The following NEDD4 variants were observed in gnomAD, a reference collection of about 807,000 sequenced individuals.
NEDD4 encodes the protein NEDD4 E3 ubiquitin protein ligase.
In NEDD4, 99 loss-of-function variants were observed where a neutral mutation model predicts 144.9. The observed-to-expected ratio is 0.68, with a 90% CI of 0.58 to 0.81. The LOEUF is 0.81. NEDD4 is among the 30% of genes least tolerant of loss of function. NEDD4 has a pLI of 0.00. For synonymous variants in NEDD4, 318 were observed against 350.6 expected, an observed-to-expected ratio of 0.91 and a Z score of 1.04; for missense variants, 985 against 1,065.9, an observed-to-expected ratio of 0.92 and a Z score of 1.06.
At chr15:55,925,047 G>A (rs2036637398) in intron 4 of NEDD4, among the ~76,000 whole-genome samples, 2 of 152,190 alleles carry the variant, frequency 1.3e-5, no homozygotes, top group East Asian at 3.8e-4. Context: ...CAGCCTGGGC[G>A]ACATAGAGAG....
At chr15:55,916,940 T>G in intron 5 of NEDD4, 1 of 1,493,856 alleles carries the variant, frequency 6.7e-7, no homozygotes, top group Non-Finnish European at 8.9e-7. Flanking sequence ...TCATTTGTGG[T>G]GCCTAAAAGA....
chr15:55,896,904 AAC>A (rs2035755326), intron 5 of NEDD4, among the ~76,000 whole-genome samples: 1 of 151,820 alleles, frequency 6.6e-6, no homozygotes, highest in African/African-American at 2.4e-5. Flanking sequence ...TAAATTATTA[AAC>A]ATGATAATTT....
Position 55,863,035 on chromosome 15 carries a change from C to G in NEDD4, c.552G>C (p.Leu184Phe), listed in dbSNP as rs756614123. Residue 184 changes from leucine (L) to phenylalanine (F), a missense_variant, in exon 9 of 29, where the codon TTG becomes TTC. By Grantham distance (22) the Leu-to-Phe change is conservative. Transcript: ENST00000435532. ...GAGGAGAAGGTTCTTGTTGTTGCTG[C>G]AAATGGCAAGCAGCATCTGGTTGGT... The part of the protein sequence containing the change: ...VLDQPDAACH[L>F]QQQQEPSPLP... 2 of 1,603,470 alleles carry G rather than the reference C, an allele frequency of 1.2e-6. No homozygotes were observed. The highest frequency in any genetic ancestry group is 1.7e-6 in the Non-Finnish European group (2 of 1,173,108).
chr15:55,918,558 T>C (rs2142219213), intron 5 of NEDD4, among the ~76,000 whole-genome samples: 1 of 150,186 alleles, frequency 6.7e-6, no homozygotes, highest in Non-Finnish European at 1.5e-5. Context: ...TAAAAGCAAA[T>C]ATGTAAAACA....
chr15:55,934,633 C>T (rs1378572936), intron 4 of NEDD4: 10 of 151,748 alleles, frequency 6.6e-5, no homozygotes, highest in East Asian at 1.9e-4. Flanking sequence ...TATACGGCCA[C>T]GGAGAAAAAA....
chr15:55,843,178 T>C (rs970092393), intron 18 of NEDD4, among the ~76,000 whole-genome samples: 1 of 152,206 alleles, frequency 6.6e-6, no homozygotes, highest in Admixed American at 6.5e-5. Flanking sequence ...GAACTGTAGG[T>C]CCAATAAACC....
intron 5 of NEDD4, among the ~76,000 whole-genome samples, chr15:55,886,564 G>A (rs952169024): frequency 6.6e-6 from 1 of 152,090 alleles, no homozygotes; most frequent in Admixed American, 6.6e-5. Context: ...CAGAGATCGA[G>A]ACCATCCTGC....
chr15:55,927,077 CAAAAAAAAAA>C (rs57940091), intron 4 of NEDD4, among the ~76,000 whole-genome samples: 2 of 70,670 alleles, frequency 2.8e-5, no homozygotes, highest in African/African-American at 5.2e-5. Flanking sequence ...GACTACGTCT[CAAAAAAAAAA>C]AAAAAAAAAA....
intron 1 of NEDD4, among the ~76,000 whole-genome samples, chr15:55,982,951 G>A (rs996922839): frequency 5.1e-4 from 78 of 151,934 alleles, no homozygotes; most frequent in African/African-American, 1.7e-3. Flanking sequence ...GTGAAACCCC[G>A]TCTCTACTAA....
intron 18 of NEDD4, among the ~76,000 whole-genome samples, chr15:55,844,786 G>C (rs557482247): frequency 6.6e-6 from 1 of 150,924 alleles, no homozygotes; most frequent in South Asian, 2.1e-4. Flanking sequence ...ACAGTGCACG[G>C]CTTTCAAGCA....
chr15:55,916,212 G>C, intron 5 of NEDD4: 1 of 1,613,974 alleles, frequency 6.2e-7, no homozygotes, highest in Non-Finnish European at 8.5e-7. Flanking sequence ...GCTGTCAGAA[G>C]GTAAGTTTCC....
At chr15:55,963,860 T>A (rs2142324987) in intron 2 of NEDD4, among the ~76,000 whole-genome samples, 1 of 152,274 alleles carries the variant, frequency 6.6e-6, no homozygotes, top group East Asian at 1.9e-4. Context: ...AAAATGTTAT[T>A]TTGTCATCTT....
chr15:55,896,728 T>A (rs2035750225), intron 5 of NEDD4, among the ~76,000 whole-genome samples: 1 of 152,106 alleles, frequency 6.6e-6, no homozygotes, highest in South Asian at 2.1e-4. Flanking sequence ...TGGACAAATA[T>A]GCATATATAA....
intron 2 of NEDD4, among the ~76,000 whole-genome samples, chr15:55,960,307 A>T (rs570928170): frequency 2.0e-5 from 3 of 152,218 alleles, no homozygotes; most frequent in African/African-American, 4.8e-5. Context: ...CACACCCTCA[A>T]TCTGGGTGGG....
chr15:55,945,678 C>T (rs543620842), intron 4 of NEDD4, among the ~76,000 whole-genome samples: 22 of 152,074 alleles, frequency 1.4e-4, no homozygotes, highest in African/African-American at 4.1e-4. Flanking sequence ...AGATATTCCT[C>T]GAGAAGAGCA....
chr15:55,837,902 C>G, intron 23 of NEDD4, 53 bp from the exon 24 acceptor site: 2 of 1,411,286 alleles, frequency 1.4e-6, no homozygotes, highest in South Asian at 2.4e-5. Context: ...AATTCTGAGG[C>G]ACAATTATTC....
chr15:55,870,220 G>C (rs2034734248), intron 7 of NEDD4, among the ~76,000 whole-genome samples: 1 of 152,150 alleles, frequency 6.6e-6, no homozygotes, highest in African/African-American at 2.4e-5. Flanking sequence ...AAATCACTGA[G>C]AATTTGGGGG....
chr15:55,934,970 G>A (rs763996980), intron 4 of NEDD4, among the ~76,000 whole-genome samples: 7 of 133,036 alleles, frequency 5.3e-5, no homozygotes, highest in Non-Finnish European at 1.1e-4. Context: ...CCAGACTCAA[G>A]TGATTCTCCT....
At chr15:55,916,347 T>C in intron 5 of NEDD4, 1 of 1,614,046 alleles carries the variant, frequency 6.2e-7, no homozygotes, top group East Asian at 2.2e-5. Flanking sequence ...GTTGCTGCTG[T>C]AAGACCCATT....
Sources: gnomAD v4.1 joint callset for allele counts (sites outside exome capture counted in the v4.1 genomes callset) on GRCh38, gnomAD v4.1.1 for gene constraint, MANE v1.5 for transcripts, NCBI Gene and HGNC (gene_info 2026-07-23, HGNC 2026-07-21) for gene names.